Variants in UPB1 observed in about 807,000 individuals in gnomAD.
UPB1 encodes beta-ureidopropionase 1.
UPB1 carries 40 observed loss-of-function variants against 49.1 expected under a neutral mutation model. That is an observed-to-expected ratio of 0.81 (90% CI 0.63 to 1.06). UPB1 has a LOEUF of 1.06. Among genes scored for constraint, UPB1 ranks in the 50% least tolerant of loss-of-function variants. UPB1 has a pLI of 0.00. For missense variants in UPB1, 499 were observed against 505.9 expected, an observed-to-expected ratio of 0.99 and a Z score of 0.13; for synonymous variants, 207 against 198.2, an observed-to-expected ratio of 1.04 and a Z score of -0.38.
intron 1 of UPB1, among the ~76,000 whole-genome samples, chr22:24,496,047 T>C (rs895445822): frequency 6.6e-6 from 1 of 152,170 alleles, no homozygotes; most frequent in Non-Finnish European, 1.5e-5. Context: ...TTCTGAGGGC[T>C]GTATACTGCT....
intron 4 of UPB1, among the ~76,000 whole-genome samples, chr22:24,512,006 T>G (rs2044215071): frequency 6.6e-6 from 1 of 152,018 alleles, no homozygotes; most frequent in African/African-American, 2.4e-5. Context: ...CAATAACTCT[T>G]TTCATTTCTT....
rs2043950941 is a variant in UPB1 at position 24,499,486 on chromosome 22, T to C, written c.105-621T>C. On this transcript the variant is annotated intron_variant, in intron 1 of 9. Transcript: ENST00000326010. ...CTAGCCTTGGTTAATAAACTACAAA[T>C]GTGGATGAGCACTTAGGGCTTCCAT... 2.0e-5 allele frequency among the ~76,000 whole-genome samples: 3 copies of C among 152,188 alleles called. No homozygotes were observed. In the South Asian group the frequency reaches 6.2e-4, roughly 32 times the overall value.
At chr22:24,495,610 G>A in intron 1 of UPB1, 103 bp downstream of exon 1, 1 of 1,281,560 alleles carries the variant, frequency 7.8e-7, no homozygotes, top group South Asian at 1.2e-5. Flanking sequence ...CTCAGGGGAG[G>A]CGGTGAGAAG....
At chr22:24,518,965 T>C (rs148181782) in intron 6 of UPB1, among the ~76,000 whole-genome samples, 58 of 152,336 alleles carry the variant, frequency 3.8e-4, no homozygotes, top group African/African-American at 1.3e-3. Context: ...CCAGCTTCCT[T>C]TCCCCTGGTG....
chr22:24,510,936 G>A (rs1601497182), intron 4 of UPB1, 93 bp downstream of exon 4: 6 of 1,290,098 alleles, frequency 4.7e-6, no homozygotes, highest in East Asian at 2.3e-5. Context: ...TTTCACCATG[G>A]AAAATGCACC....
chr22:24,512,670 T>G (rs1378434631), intron 4 of UPB1, among the ~76,000 whole-genome samples: 1 of 152,226 alleles, frequency 6.6e-6, no homozygotes, highest in Non-Finnish European at 1.5e-5. Flanking sequence ...TCTGTCCCAT[T>G]AAACAATAGC....
In UPB1 at chr22:24,500,120, C is replaced by T. The variant is rs1004921883; in HGVS notation, c.118C>T (p.Pro40Ser). The T allele has an allele frequency of 1.2e-6, 2 of 1,614,012 alleles. No individual in the cohort carries two copies. Among genetic ancestry groups the T allele is most frequent in the Non-Finnish European group, 8.5e-7 (1 of 1,180,030 alleles). ...YGKELRKLDL[P>S]REAFEAASRE... ...CTGCCCATCTAGGAAGCTTGATCTG[C>T]CCAGGGAAGCTTTCGAAGCTGCCTC... is the stretch of plus-strand genomic sequence containing the variant. Residue 40 changes from proline to serine, a missense_variant, in exon 2 of 10, where the codon CCC becomes TCC. Physicochemically the swap from Pro to Ser is moderately conservative, Grantham distance 74. Coordinates refer to ENST00000326010, the MANE Select transcript of UPB1 (RefSeq NM_016327.3).
chr22:24,508,878 T>A lies in UPB1; in HGVS notation c.365-1871T>A, dbSNP rs530341470. Among the ~76,000 whole-genome samples, 112 of 151,904 alleles carry A rather than the reference T, an allele frequency of 7.4e-4. 1 individual carries two copies. Among genetic ancestry groups the A allele is most frequent in the African/African-American group, 2.6e-3 (108 of 41,234 alleles). ...CCTGGGCAACAAGAACAAGACTCCA[T>A]CTCAAAAGAAAAGAAAAAAAGAAAG... On this transcript the variant is annotated intron_variant, in intron 3 of 9. Coordinates refer to ENST00000326010, the MANE Select transcript of UPB1 (RefSeq NM_016327.3).
intron 1 of UPB1, among the ~76,000 whole-genome samples, chr22:24,496,092 C>T (rs955873540): frequency 9.9e-5 from 15 of 152,146 alleles, no homozygotes; most frequent in Non-Finnish European, 2.2e-4. Context: ...AAAGACACTT[C>T]CTGGCCGGGC....
At chr22:24,499,594 C>A (rs1158111479) in intron 1 of UPB1, among the ~76,000 whole-genome samples, 2 of 152,134 alleles carry the variant, frequency 1.3e-5, no homozygotes, top group African/African-American at 4.8e-5. Context: ...GACAGAGTGG[C>A]CAGGGTCTTT....
intron 6 of UPB1, among the ~76,000 whole-genome samples, chr22:24,518,570 T>C (rs542844553): frequency 1.7e-4 from 26 of 152,320 alleles, no homozygotes; most frequent in Admixed American, 9.8e-4. Context: ...GATCACAGCA[T>C]CCAGAACCAT....
At chr22:24,507,624 AAG>A (rs1348869356) in intron 3 of UPB1, among the ~76,000 whole-genome samples, 2 of 152,220 alleles carry the variant, frequency 1.3e-5, no homozygotes, top group African/African-American at 4.8e-5. Context: ...TTCCTGTAAT[AAG>A]AAGCAACTCC....
chr22:24,495,398 G>GT lies in UPB1; in HGVS notation c.-5dup. The GT allele has an allele frequency of 1.2e-6, 2 of 1,612,910 alleles. No individual in the cohort carries two copies. Among genetic ancestry groups the GT allele is most frequent in the Non-Finnish European group, 1.7e-6 (2 of 1,179,992 alleles). On this transcript the variant is annotated 5_prime_UTR_variant, in exon 1 of 10. Coordinates refer to ENST00000326010, the MANE Select transcript of UPB1 (RefSeq NM_016327.3). ...GCGCGGACACAAGCACTGGCGGACC[G>GT]TGGCCATGGCGGGCGCTGAGTGGAA...
In UPB1 at chr22:24,527,855, GTT is replaced by G. The variant is rs2044493968; in HGVS notation, c.*2062_*2063del. On this transcript the variant is annotated 3_prime_UTR_variant, in exon 10 of 10. Coordinates refer to ENST00000326010, the MANE Select transcript of UPB1 (RefSeq NM_016327.3). ...ACAGACACAGTGAGCTTTTTTGCCT[GTT>G]CCTTTAGCTTTCAAAATTTAGTGTC... is the stretch of plus-strand genomic sequence containing the variant. The G allele has an allele frequency of 6.6e-6, 1 of 151,050 alleles. No individual in the cohort carries two copies. Among genetic ancestry groups the G allele is most frequent in the African/African-American group, 2.4e-5 (1 of 41,094 alleles). The allele number at this position is 151,050 out of a possible 1,614,324, so 9.4% of individuals were successfully genotyped here.
intron 7 of UPB1, among the ~76,000 whole-genome samples, chr22:24,520,761 A>C (rs187362799): frequency 1.3e-5 from 2 of 152,298 alleles, no homozygotes; most frequent in East Asian, 3.9e-4. Flanking sequence ...TGCCAAACAG[A>C]ATGCACTTAT....
intron 5 of UPB1, 95 bp downstream of exon 5, chr22:24,513,580 A>T: frequency 6.6e-7 from 1 of 1,506,770 alleles, no homozygotes; most frequent in Non-Finnish European, 9.0e-7. Context: ...AGTTCTGTGC[A>T]GGATCATACT....
chr22:24,501,377 G>A (rs1266823732), intron 2 of UPB1, among the ~76,000 whole-genome samples: 1 of 152,250 alleles, frequency 6.6e-6, no homozygotes, highest in Non-Finnish European at 1.5e-5. Context: ...ATTGTGCCAA[G>A]GACAAGCAGA....
At chr22:24,510,393 GTA>G (rs141327056) in intron 3 of UPB1, among the ~76,000 whole-genome samples, 3 of 151,934 alleles carry the variant, frequency 2.0e-5, no homozygotes, top group African/African-American at 4.8e-5. Context: ...ATTCCATTGT[GTA>G]TATATATATA....
intron 8 of UPB1, among the ~76,000 whole-genome samples, chr22:24,522,928 G>C (rs1205729637): frequency 7.0e-6 from 1 of 143,626 alleles, no homozygotes; most frequent in Non-Finnish European, 1.5e-5. Flanking sequence ...TGGGCAACAG[G>C]AGGGAAATGC....
Sources: gnomAD v4.1 joint callset for allele counts (sites outside exome capture counted in the v4.1 genomes callset) on GRCh38, gnomAD v4.1.1 for gene constraint, MANE v1.5 for transcripts, NCBI Gene and HGNC (gene_info 2026-07-23, HGNC 2026-07-21) for gene names.